Variants in GPC6 observed in about 807,000 individuals in gnomAD.
The protein encoded by GPC6 is glypican 6.
In GPC6, 14 loss-of-function variants were observed where a neutral mutation model predicts 55.2. That is an observed-to-expected ratio of 0.25 (90% CI 0.17 to 0.40). The LOEUF is 0.40. GPC6 is among the 10% of genes least tolerant of loss of function. GPC6 has a pLI of 1.00. For synonymous variants in GPC6, 278 were observed against 259.6 expected (o/e 1.07, Z -0.68); for missense variants, 641 against 708.5 (o/e 0.90, Z 1.08).
intron 2 of GPC6, among the ~76,000 whole-genome samples, chr13:93,815,962 G>A (rs569720991): frequency 1.5e-4 from 23 of 152,244 alleles, no homozygotes; most frequent in Non-Finnish European, 2.9e-4. Context: ...AGCAAAGGTG[G>A]TAAAAGGTGT....
intron 1 of GPC6, among the ~76,000 whole-genome samples, chr13:93,384,396 T>TAAA (rs57368591): frequency 3.3e-5 from 5 of 150,420 alleles, no homozygotes; most frequent in African/African-American, 1.2e-4. Context: ...TTTTTTTTTT[T>TAAA]AAAAAAAAGG....
intron 1 of GPC6, among the ~76,000 whole-genome samples, chr13:93,413,682 A>AGG (rs1419664716): frequency 2.0e-5 from 3 of 152,084 alleles, no homozygotes; most frequent in African/African-American, 7.2e-5. Context: ...GTATTATGGA[A>AGG]GGATGCATGA....
chr13:94,065,500 G>A (rs568273446), intron 4 of GPC6, among the ~76,000 whole-genome samples: 7 of 152,276 alleles, frequency 4.6e-5, no homozygotes, highest in East Asian at 1.9e-4. Context: ...CAGAAATAAT[G>A]CAAAATTAAA....
chr13:93,696,632 T>G lies in GPC6; in HGVS notation c.320-133522T>G, dbSNP rs952080747. ...TCCATAAATTTTTTTTTTTTTTTTT[T>G]AGGCAGAGTCTCCCTCTTTTGCTCT... On this transcript the variant is annotated intron_variant, in intron 2 of 8. Coordinates refer to ENST00000377047, the MANE Select transcript of GPC6 (RefSeq NM_005708.5). 2.6e-5 allele frequency among the ~76,000 whole-genome samples: 4 copies of G among 150,944 alleles called. No individual in the cohort carries two copies. The East Asian group carries it at 7.8e-4, about 29-fold the overall frequency.
At chr13:93,509,797 A>G (rs1880878160) in intron 1 of GPC6, among the ~76,000 whole-genome samples, 1 of 152,182 alleles carries the variant, frequency 6.6e-6, no homozygotes, top group South Asian at 2.1e-4. Flanking sequence ...AATATTCATG[A>G]AGTGCCTGCT....
At chr13:93,883,978 T>C (rs1292606690) in intron 3 of GPC6, among the ~76,000 whole-genome samples, 1 of 152,154 alleles carries the variant, frequency 6.6e-6, no homozygotes, top group Non-Finnish European at 1.5e-5. Flanking sequence ...CTTAAATTGT[T>C]ACATATAAAA....
intron 1 of GPC6, among the ~76,000 whole-genome samples, chr13:93,280,799 G>A (rs1005681310): frequency 6.6e-6 from 1 of 152,206 alleles, no homozygotes; most frequent in Admixed American, 6.5e-5. Flanking sequence ...CTAGTTTCAG[G>A]ATTAAAGTGT....
intron 2 of GPC6, among the ~76,000 whole-genome samples, chr13:93,596,620 T>A (rs972537718): frequency 4.8e-4 from 71 of 146,948 alleles, no homozygotes; most frequent in African/African-American, 1.3e-3. Context: ...AATATATATA[T>A]ATATATATAT....
chr13:93,542,780 G>T (rs1360160016), intron 1 of GPC6, among the ~76,000 whole-genome samples: 1 of 152,090 alleles, frequency 6.6e-6, no homozygotes, highest in African/African-American at 2.4e-5. Flanking sequence ...TATTCTCTTT[G>T]AAGCAATTGT....
At chr13:93,378,796 G>A (rs1875032723) in intron 1 of GPC6, among the ~76,000 whole-genome samples, 1 of 152,000 alleles carries the variant, frequency 6.6e-6, no homozygotes, top group African/African-American at 2.4e-5. Context: ...AGGAGTTAGA[G>A]ACCAGCCTGG....
intron 2 of GPC6, among the ~76,000 whole-genome samples, chr13:93,617,116 A>T (rs1264868832): frequency 6.6e-6 from 1 of 152,138 alleles, no homozygotes; most frequent in Non-Finnish European, 1.5e-5. Context: ...TTACTGGAGT[A>T]ATATTGAGGA....
At chr13:93,383,239 T>C (rs767119256) in intron 1 of GPC6, among the ~76,000 whole-genome samples, 1 of 152,164 alleles carries the variant, frequency 6.6e-6, no homozygotes, top group Non-Finnish European at 1.5e-5. Context: ...TGAGATAGGG[T>C]CTCACTCTGC....
chr13:93,846,207 C>A (rs1214350759), intron 3 of GPC6, among the ~76,000 whole-genome samples: 1 of 152,096 alleles, frequency 6.6e-6, no homozygotes, highest in Admixed American at 6.5e-5. Flanking sequence ...AATATCATCA[C>A]CATTATGAAA....
At chr13:93,803,316 T>C (rs1290885295) in intron 2 of GPC6, among the ~76,000 whole-genome samples, 1 of 152,084 alleles carries the variant, frequency 6.6e-6, no homozygotes, top group African/African-American at 2.4e-5. Flanking sequence ...TGAAAGAAGA[T>C]ATAGAAATAG....
chr13:93,676,984 T>C (rs1420213419), intron 2 of GPC6, among the ~76,000 whole-genome samples: 1 of 152,162 alleles, frequency 6.6e-6, no homozygotes, highest in Non-Finnish European at 1.5e-5. Context: ...AAGACTCTGC[T>C]GAATCTAGTT....
chr13:94,152,316 A>G (rs1887770122), intron 4 of GPC6, among the ~76,000 whole-genome samples: 1 of 152,164 alleles, frequency 6.6e-6, no homozygotes, highest in South Asian at 2.1e-4. Context: ...ATTTGGAGAC[A>G]TATAACATGA....
At chr13:93,653,475 A>G in intron 2 of GPC6, among the ~76,000 whole-genome samples, 1 of 152,134 alleles carries the variant, frequency 6.6e-6, no homozygotes, top group Admixed American at 6.5e-5. Context: ...TTTCACAAGC[A>G]TGCTTTCACC....
At chr13:93,223,019 CTTTTTTTT>C (rs3073915), upstream of GPC6, among the ~76,000 whole-genome samples, 3 of 100,780 alleles carry the variant, frequency 3.0e-5, no homozygotes, top group African/African-American at 3.8e-5. Flanking sequence ...AGGGAAAACA[CTTTTTTTT>C]TTTTTTTTTT....
intron 2 of GPC6, among the ~76,000 whole-genome samples, chr13:93,731,818 G>A (rs1004380486): frequency 4.6e-5 from 7 of 152,064 alleles, no homozygotes; most frequent in Non-Finnish European, 8.8e-5. Flanking sequence ...TTTTGAAGCA[G>A]ATCTGTCCCT....
Sources: gnomAD v4.1 joint callset for allele counts (sites outside exome capture counted in the v4.1 genomes callset) on GRCh38, gnomAD v4.1.1 for gene constraint, MANE v1.5 for transcripts, NCBI Gene and HGNC (gene_info 2026-07-23, HGNC 2026-07-21) for gene names.